GAB1: variants seen among roughly 807,000 people sequenced by gnomAD.
The protein encoded by GAB1 is GRB2-associated-binding protein 1.
Under a neutral mutation model 66.5 loss-of-function variants are expected in GAB1, and 19 were observed. That is an observed-to-expected ratio of 0.29 (90% CI 0.20 to 0.42). GAB1 has a LOEUF of 0.42. Ranked by LOEUF, GAB1 falls within the 10% of genes least tolerant of loss-of-function variation. The pLI, the probability that GAB1 is intolerant of heterozygous loss-of-function variation, is 1.00. For missense variants in GAB1, 732 were observed against 858.5 expected, an observed-to-expected ratio of 0.85 and a Z score of 1.84; for synonymous variants, 294 against 301.4, an observed-to-expected ratio of 0.98 and a Z score of 0.25.
chr4:143,404,809 A>G (rs1284675194), intron 1 of GAB1, among the ~76,000 whole-genome samples: 1 of 152,206 alleles, frequency 6.6e-6, no homozygotes, highest in African/African-American at 2.4e-5. Flanking sequence ...CATGTGGCTA[A>G]ATTTAAATTA....
chr4:143,392,155 C>T lies in GAB1; in HGVS notation c.73-23322C>T, dbSNP rs1731217259. On this transcript the variant is annotated intron_variant, in intron 1 of 9. Coordinates refer to ENST00000262994, the MANE Select transcript of GAB1 (RefSeq NM_002039.4). ...TTATAAGTAGTTCATTGCCTAACTA[C>T]CAAAAATAGCTGCAGTTATTTTAAA... Among the ~76,000 whole-genome samples, 3 of 152,022 alleles carry T rather than the reference C, an allele frequency of 2.0e-5. No homozygotes were observed. The South Asian group carries it at 6.2e-4, about 32-fold the overall frequency.
At chr4:143,413,824 C>CCTTTTTTTTTTTTT (rs61697817) in intron 1 of GAB1, among the ~76,000 whole-genome samples, 1 of 67,824 alleles carries the variant, frequency 1.5e-5, no homozygotes, top group African/African-American at 9.4e-5. Context: ...CCCCGCTGCC[C>CCTTTTTTTTTTTTT]TTTTTTTTTT....
intron 6 of GAB1, among the ~76,000 whole-genome samples, chr4:143,456,476 T>A (rs1176260305): frequency 6.7e-6 from 1 of 150,372 alleles, no homozygotes; most frequent in African/African-American, 2.5e-5. Context: ...AAAAAAGTTG[T>A]CATCTTCCTT....
At chr4:143,362,660 A>G (rs1286752560) in intron 1 of GAB1, among the ~76,000 whole-genome samples, 2 of 152,184 alleles carry the variant, frequency 1.3e-5, no homozygotes, top group Non-Finnish European at 2.9e-5. Context: ...CTAATGCATT[A>G]TAATTGGTGT....
At chr4:143,361,049 A>T (rs1016960329) in intron 1 of GAB1, among the ~76,000 whole-genome samples, 13 of 152,204 alleles carry the variant, frequency 8.5e-5, no homozygotes, top group Non-Finnish European at 1.8e-4. Flanking sequence ...GAGCCAGCCT[A>T]ATGGAATGGC....
chr4:143,375,243 C>T (rs747541282), intron 1 of GAB1, among the ~76,000 whole-genome samples: 61 of 152,210 alleles, frequency 4.0e-4, no homozygotes, highest in Non-Finnish European at 5.7e-4. Context: ...CCACTGCACC[C>T]GGCCTGAAAA....
At chr4:143,371,546 T>G (rs982185954) in intron 1 of GAB1, among the ~76,000 whole-genome samples, 4 of 152,234 alleles carry the variant, frequency 2.6e-5, no homozygotes, top group Non-Finnish European at 5.9e-5. Flanking sequence ...AGAAGCTCTT[T>G]AGTTTAATTA....
chr4:143,373,631 C>A (rs1000361271), intron 1 of GAB1, among the ~76,000 whole-genome samples: 5 of 152,064 alleles, frequency 3.3e-5, no homozygotes, highest in African/African-American at 1.2e-4. Flanking sequence ...GAGTTTGAGA[C>A]CAGCCTGGGC....
intron 6 of GAB1, among the ~76,000 whole-genome samples, chr4:143,449,897 A>C (rs979353612): frequency 6.9e-6 from 1 of 145,348 alleles, no homozygotes; most frequent in African/African-American, 2.6e-5. Flanking sequence ...GGTGGTGTTT[A>C]CATTTTGGCA....
intron 2 of GAB1, among the ~76,000 whole-genome samples, chr4:143,432,316 A>G (rs1372458934): frequency 6.6e-6 from 1 of 152,210 alleles, no homozygotes; most frequent in Non-Finnish European, 1.5e-5. Flanking sequence ...TTTGGTTTGC[A>G]TCTTACCCTT....
intron 1 of GAB1, chr4:143,350,028 G>C: frequency 6.4e-7 from 1 of 1,557,110 alleles, no homozygotes. Flanking sequence ...GGATGCCACT[G>C]CCGAAACCTC....
chr4:143,427,688 C>G (rs1046076980), intron 2 of GAB1, among the ~76,000 whole-genome samples: 5 of 152,104 alleles, frequency 3.3e-5, no homozygotes, highest in African/African-American at 1.2e-4. Flanking sequence ...ATCAGAGGGG[C>G]GTGTCCCATA....
At chr4:143,411,197 G>C (rs1221632802) in intron 1 of GAB1, among the ~76,000 whole-genome samples, 1 of 152,092 alleles carries the variant, frequency 6.6e-6, no homozygotes, top group South Asian at 2.1e-4. Context: ...CCAGAGTTTG[G>C]GTTTTATCCT....
intron 1 of GAB1, among the ~76,000 whole-genome samples, chr4:143,362,475 G>A (rs959998858): frequency 1.3e-5 from 2 of 152,134 alleles, no homozygotes; most frequent in Non-Finnish European, 2.9e-5. Flanking sequence ...CTATTTTTAT[G>A]CTTATTACAT....
chr4:143,418,519 A>T (rs1180577464), intron 2 of GAB1, among the ~76,000 whole-genome samples: 1 of 152,150 alleles, frequency 6.6e-6, no homozygotes, highest in Non-Finnish European at 1.5e-5. Flanking sequence ...TTTTCAGTTA[A>T]AATAATTTGT....
At chr4:143,419,504 A>G (rs1268632119) in intron 2 of GAB1, among the ~76,000 whole-genome samples, 2 of 152,078 alleles carry the variant, frequency 1.3e-5, no homozygotes, top group Non-Finnish European at 2.9e-5. Flanking sequence ...TACAATATCC[A>G]TGGTTGGGAA....
intron 1 of GAB1, among the ~76,000 whole-genome samples, chr4:143,355,820 G>A (rs1451858845): frequency 6.6e-6 from 1 of 152,106 alleles, no homozygotes; most frequent in East Asian, 1.9e-4. Context: ...CCATGGGTAA[G>A]AGTGTAATCT....
chr4:143,422,880 G>C (rs1042632671), intron 2 of GAB1, among the ~76,000 whole-genome samples: 10 of 152,198 alleles, frequency 6.6e-5, no homozygotes, highest in African/African-American at 2.2e-4. Context: ...TCTGATTTAA[G>C]AAATGGGAAA....
intron 1 of GAB1, among the ~76,000 whole-genome samples, chr4:143,414,074 C>T (rs1052214838): frequency 8.5e-5 from 13 of 152,166 alleles, no homozygotes; most frequent in Non-Finnish European, 1.6e-4. Flanking sequence ...CTGCCCACCT[C>T]GGCCTCCCAA....
Sources: gnomAD v4.1 joint callset for allele counts (sites outside exome capture counted in the v4.1 genomes callset) on GRCh38, gnomAD v4.1.1 for gene constraint, MANE v1.5 for transcripts, NCBI Gene and HGNC (gene_info 2026-07-23, HGNC 2026-07-21) for gene names.